CELF2: variants seen among roughly 807,000 people sequenced by gnomAD.
CELF2 encodes CUG triplet repeat RNA-binding protein 2.
CELF2 carries 8 observed loss-of-function variants against 62.6 expected under a neutral mutation model. That is an observed-to-expected ratio of 0.13 (90% CI 0.07 to 0.23). The LOEUF (loss-of-function observed/expected upper bound fraction) is 0.23. Ranked by LOEUF, CELF2 falls within the 10% of genes least tolerant of loss-of-function variation. The pLI, the probability that CELF2 is intolerant of heterozygous loss-of-function variation, is 1.00. For synonymous variants in CELF2, 258 were observed against 250.0 expected, an observed-to-expected ratio of 1.03 and a Z score of -0.30; for missense variants, 333 against 671.0, an observed-to-expected ratio of 0.50 and a Z score of 5.56.
chr10:10,517,326 C>A, the CELF2 span, among the ~76,000 whole-genome samples: 2 of 152,038 alleles, frequency 1.3e-5, no homozygotes, highest in Non-Finnish European at 2.9e-5. Flanking sequence ...GCAGTCTGAT[C>A]CTGGAGCCCA....
the CELF2 span, among the ~76,000 whole-genome samples, chr10:10,706,667 G>A: frequency 6.6e-6 from 1 of 152,166 alleles, no homozygotes; most frequent in South Asian, 2.1e-4. Flanking sequence ...CCAGATATGA[G>A]CATCATATGG....
At chr10:11,142,557 G>A (rs368953847) in intron 1 of CELF2, among the ~76,000 whole-genome samples, 23 of 151,948 alleles carry the variant, frequency 1.5e-4, no homozygotes, top group Admixed American at 9.8e-4. Context: ...TGGTGGCGGC[G>A]CCTGTAATCC....
At chr10:11,133,327 G>C (rs762902331) in intron 1 of CELF2, among the ~76,000 whole-genome samples, 5 of 152,166 alleles carry the variant, frequency 3.3e-5, no homozygotes, top group Non-Finnish European at 5.9e-5. Context: ...ACAGAATCCT[G>C]AAAGCTAGAG....
chr10:10,839,837 A>G (rs1170729019), intron 1 of CELF2, among the ~76,000 whole-genome samples: 1 of 152,216 alleles, frequency 6.6e-6, no homozygotes, highest in Non-Finnish European at 1.5e-5. Context: ...GAATAGTTTC[A>G]CTGCCCTAAA....
At chr10:10,599,247 ACTT>A in the CELF2 span, among the ~76,000 whole-genome samples, 6 of 152,164 alleles carry the variant, frequency 3.9e-5, no homozygotes, top group Admixed American at 2.0e-4. Context: ...TTTTGGCTCC[ACTT>A]CTTATAAACT....
At chr10:11,033,771 CA>C (rs1368693881) in intron 1 of CELF2, among the ~76,000 whole-genome samples, 3 of 152,204 alleles carry the variant, frequency 2.0e-5, no homozygotes, top group East Asian at 1.9e-4. Context: ...GTTGTAAATA[CA>C]GTGTGAGTCA....
At position 10,997,102 on chromosome 10, in the gene CELF2, A is replaced by G. The variant is rs938471665; in HGVS notation, c.89+77103A>G. Among the ~76,000 whole-genome samples, 4 of 152,190 alleles carry G rather than the reference A, an allele frequency of 2.6e-5. No homozygotes were observed. Among genetic ancestry groups the G allele is most frequent in the African/African-American group, 9.7e-5 (4 of 41,430 alleles). On this transcript the variant is annotated intron_variant, in intron 2 of 13. Coordinates refer to the CELF2 transcript ENST00000636488. The surrounding 1 kb of genome is among the most constrained non-coding windows in gnomAD (Gnocchi z 5.3). ...CCTCTCTCTACAGCTGCTGCCTGGC[A>G]ACATGGAATAGTGATGCCCATCCCT...
chr10:11,182,867 C>T (rs7899913), intron 2 of CELF2, among the ~76,000 whole-genome samples: 16,848 of 152,184 alleles, frequency 0.11, 1,093 homozygotes, highest in African/African-American at 0.18. Context: ...CATCCAAATC[C>T]TGTGAACTTG....
chr10:11,263,456 T>G (rs2081307377), intron 5 of CELF2, among the ~76,000 whole-genome samples: 1 of 152,166 alleles, frequency 6.6e-6, no homozygotes, highest in Non-Finnish European at 1.5e-5. Flanking sequence ...CCCCCCAGCC[T>G]TGTTTCTCCG....
intron 1 of CELF2, among the ~76,000 whole-genome samples, chr10:11,095,616 A>G (rs1431971550): frequency 6.6e-6 from 1 of 152,240 alleles, no homozygotes; most frequent in East Asian, 1.9e-4. Context: ...TGTCACTGGG[A>G]AACAGCATCT....
chr10:11,106,149 A>T (rs1196392495), intron 1 of CELF2, among the ~76,000 whole-genome samples: 1 of 152,144 alleles, frequency 6.6e-6, no homozygotes, highest in Non-Finnish European at 1.5e-5. Context: ...AGCTTAAGGC[A>T]GAAAACATCC....
intron 1 of CELF2, among the ~76,000 whole-genome samples, chr10:11,088,218 C>T (rs955772123): frequency 2.6e-5 from 4 of 152,134 alleles, no homozygotes; most frequent in African/African-American, 7.2e-5. Flanking sequence ...GAAGGAGGCA[C>T]GAATTTGTAC....
At chr10:10,629,861 C>CAAAAAAAAAAAAAAAAAAAAAA in the CELF2 span, among the ~76,000 whole-genome samples, 2 of 12,350 alleles carry the variant, frequency 1.6e-4, 1 homozygote, top group Non-Finnish European at 2.9e-4. Flanking sequence ...GGCTGAAGAC[C>CAAAAAAAAAAAAAAAAAAAAAA]AAAAAAAAAA....
chr10:10,496,638 A>C, the CELF2 span, among the ~76,000 whole-genome samples: 4 of 152,190 alleles, frequency 2.6e-5, no homozygotes, highest in Admixed American at 6.5e-5. Flanking sequence ...GGAAAGAAGA[A>C]GACATACACA....
chr10:10,906,219 T>C (rs1335732213), intron 1 of CELF2, among the ~76,000 whole-genome samples: 2 of 152,270 alleles, frequency 1.3e-5, no homozygotes, highest in African/African-American at 4.8e-5. Context: ...GGTGAAAATA[T>C]TCTTAATTTC....
intron 1 of CELF2, among the ~76,000 whole-genome samples, chr10:11,124,082 T>A (rs548840879): frequency 1.3e-5 from 2 of 152,222 alleles, no homozygotes; most frequent in East Asian, 3.9e-4. Context: ...AACCATCAGA[T>A]CTCATGAGAC....
the CELF2 span, among the ~76,000 whole-genome samples, chr10:10,741,038 T>A: frequency 6.6e-6 from 1 of 152,178 alleles, no homozygotes; most frequent in Non-Finnish European, 1.5e-5. Context: ...AACAATACTG[T>A]ATTGCATACT....
chr10:11,220,710 C>G lies in CELF2; in HGVS notation c.354+3203C>G, dbSNP rs1473298217. ...AGGAAGCAAATTCAACAGCTCAACA[C>G]AGAGCAAGGGATGAGAGTCTGGGAG... On this transcript the variant is annotated intron_variant, in intron 3 of 12. Transcript: ENST00000633077. The surrounding 1 kb of genome is among the most constrained non-coding windows in gnomAD (Gnocchi z 4.4). Among the ~76,000 whole-genome samples the G allele has an allele frequency of 1.3e-5, 2 of 152,206 alleles. No homozygotes were observed. The highest frequency in any genetic ancestry group is 2.4e-5 in the African/African-American group (1 of 41,456).
chr10:11,294,995 C>G (rs531637932), intron 9 of CELF2, among the ~76,000 whole-genome samples: 2 of 73,950 alleles, frequency 2.7e-5, no homozygotes, highest in Non-Finnish European at 4.5e-5. Flanking sequence ...CTTGTTTACA[C>G]TCTTATTGCT....
Sources: allele counts gnomAD v4.1 joint callset (sites outside exome capture counted in the v4.1 genomes callset), GRCh38; gene constraint gnomAD v4.1.1; non-coding constraint Gnocchi (gnomAD v3.1); transcripts MANE v1.5; gene names NCBI Gene and HGNC (gene_info 2026-07-23, HGNC 2026-07-21).